The following FUT9 variants were observed in gnomAD, a reference collection of about 807,000 sequenced individuals.
FUT9 encodes the protein fucosyltransferase 9.
In FUT9, 15 loss-of-function variants were observed where a neutral mutation model predicts 29.7. The ratio of observed to expected loss-of-function variants is 0.51; its 90% confidence interval spans 0.34 to 0.78. FUT9 has a LOEUF of 0.78. Ranked by LOEUF, FUT9 falls within the 30% of genes least tolerant of loss-of-function variation. The pLI is 0.01. For missense variants in FUT9, 319 were observed against 425.4 expected, an observed-to-expected ratio of 0.75 and a Z score of 2.20; for synonymous variants, 169 against 153.7, an observed-to-expected ratio of 1.10 and a Z score of -0.74.
chr6:96,134,542 C>A (rs757191646), intron 2 of FUT9, among the ~76,000 whole-genome samples: 7 of 151,776 alleles, frequency 4.6e-5, no homozygotes, highest in Non-Finnish European at 8.9e-5. Flanking sequence ...TGATAAATTT[C>A]TCCTTCAGTT....
chr6:96,037,639 T>A lies in FUT9; in HGVS notation c.-98+21427T>A, dbSNP rs76057338. The stretch of plus-strand genomic sequence containing the variant: ...CCCTTGAGACTAATCTTTTTCTGGA[T>A]AAAACTCTGCAAATGCTTAGTCATT... On this transcript the variant is annotated intron_variant, in intron 1 of 2. Transcript: ENST00000302103. Among the ~76,000 whole-genome samples the A allele has an allele frequency of 5.6e-3, 847 of 151,902 alleles. 13 individuals are homozygous for A. The highest frequency in any genetic ancestry group is 0.02 in the African/African-American group (821 of 41,430).
rs1438725634 is a variant in FUT9, at chr6:96,204,536, G to A, written c.*301G>A. 5 of 192,486 alleles carry A rather than the reference G, an allele frequency of 2.6e-5. No homozygotes were observed. Among genetic ancestry groups the A allele is most frequent in the South Asian group, 2.0e-4 (1 of 5,122 alleles). The allele number at this position is 192,486 out of a possible 1,614,324, so 11.9% of individuals were successfully genotyped here. A position where few individuals can be genotyped will look rare whatever the true frequency, so the allele number is the denominator to read the frequency against. ...TAGTTGTCCATAATGTAAGCTTGTGGTTTGATTATTGTTTCCACACTGATC... is the reference window on the plus strand; with the variant it reads ...TAGTTGTCCATAATGTAAGCTTGTGATTTGATTATTGTTTCCACACTGATC... On this transcript the variant is annotated 3_prime_UTR_variant, in exon 3 of 3. Coordinates refer to ENST00000302103, the MANE Select transcript of FUT9 (RefSeq NM_006581.4).
At chr6:96,094,638 A>G (rs893612240) in intron 1 of FUT9, among the ~76,000 whole-genome samples, 46 of 152,150 alleles carry the variant, frequency 3.0e-4, no homozygotes, top group Non-Finnish European at 5.7e-4. Context: ...GGATAAGTAG[A>G]AACTACTGTA....
At chr6:96,148,380 G>T (rs1464884823) in intron 2 of FUT9, among the ~76,000 whole-genome samples, 2 of 152,268 alleles carry the variant, frequency 1.3e-5, no homozygotes, top group Middle Eastern at 3.4e-3. Context: ...CATCAAGCAA[G>T]TTTCTCCATT....
At chr6:96,133,747 G>C (rs1334586621) in intron 2 of FUT9, among the ~76,000 whole-genome samples, 3 of 151,838 alleles carry the variant, frequency 2.0e-5, no homozygotes, top group Non-Finnish European at 2.9e-5. Context: ...AACCTAAAGT[G>C]TTTTTGTTTT....
chr6:96,175,517 C>T (rs537734601), intron 2 of FUT9, among the ~76,000 whole-genome samples: 2 of 152,252 alleles, frequency 1.3e-5, no homozygotes, highest in Admixed American at 1.3e-4. Context: ...TATTCGGTGG[C>T]TAGCTGTGAT....
intron 1 of FUT9, among the ~76,000 whole-genome samples, chr6:96,099,657 A>G (rs1771554659): frequency 6.6e-6 from 1 of 152,124 alleles, no homozygotes; most frequent in Admixed American, 6.6e-5. Flanking sequence ...TGCTTGCCTG[A>G]TAGTAATAAA....
At chr6:96,106,596 A>G (rs752304426) in intron 1 of FUT9, among the ~76,000 whole-genome samples, 2 of 152,150 alleles carry the variant, frequency 1.3e-5, no homozygotes, top group African/African-American at 4.8e-5. Flanking sequence ...GGATTTTAAC[A>G]TGTAAGATGA....
At chr6:96,160,498 A>T (rs1185919230) in intron 2 of FUT9, among the ~76,000 whole-genome samples, 5 of 152,196 alleles carry the variant, frequency 3.3e-5, no homozygotes, top group Non-Finnish European at 5.9e-5. Context: ...AGTGTAGTTG[A>T]CATAATATGC....
rs939379003 is a variant in FUT9 at position 96,210,073 on chromosome 6, G to C, written c.*5838G>C. ...AATAATACACAGCTTCTGAATCTCT[G>C]GGTGTGAGATGGGACCAGGAATCTT... On this transcript the variant is annotated 3_prime_UTR_variant, in exon 3 of 3. Coordinates refer to ENST00000302103, the MANE Select transcript of FUT9 (RefSeq NM_006581.4). The C allele has an allele frequency of 1.8e-5, 3 of 166,932 alleles. No individual in the cohort carries two copies. The highest frequency in any genetic ancestry group is 7.2e-5 in the African/African-American group (3 of 41,504). The allele number at this position is 166,932 out of a possible 1,614,324, so 10.3% of individuals were successfully genotyped here.
intron 1 of FUT9, among the ~76,000 whole-genome samples, chr6:96,054,150 G>T (rs889327522): frequency 6.6e-6 from 1 of 152,068 alleles, no homozygotes; most frequent in African/African-American, 2.4e-5. Context: ...TTGGCCCAGG[G>T]ATTTTGTCCT....
intron 1 of FUT9, among the ~76,000 whole-genome samples, chr6:96,070,963 G>A (rs1054312767): frequency 1.3e-5 from 2 of 152,014 alleles, no homozygotes; most frequent in Admixed American, 6.6e-5. Flanking sequence ...TAGTCTTCTC[G>A]CTTAAATTTA....
chr6:96,052,708 A>G (rs1180720115), intron 1 of FUT9, among the ~76,000 whole-genome samples: 1 of 152,208 alleles, frequency 6.6e-6, no homozygotes, highest in Non-Finnish European at 1.5e-5. Context: ...GTCAAGTGCC[A>G]GAAAGATGTT....
intron 1 of FUT9, among the ~76,000 whole-genome samples, chr6:96,046,643 C>T (rs1395851844): frequency 2.6e-5 from 4 of 151,994 alleles, no homozygotes; most frequent in Non-Finnish European, 5.9e-5. Context: ...ATGCCCCTTC[C>T]CACATGTGAA....
intron 1 of FUT9, among the ~76,000 whole-genome samples, chr6:96,039,264 A>G (rs909231584): frequency 1.3e-5 from 2 of 152,072 alleles, no homozygotes; most frequent in African/African-American, 4.8e-5. Context: ...AAACCAAGCA[A>G]TGGAGTGCAA....
chr6:96,112,647 G>A lies in FUT9; in HGVS notation c.-97-1392G>A, dbSNP rs991367094. Among the ~76,000 whole-genome samples, 9 of 152,132 alleles carry A rather than the reference G, an allele frequency of 5.9e-5. No individual in the cohort carries two copies. In the East Asian group the frequency reaches 1.5e-3, roughly 26 times the overall value. Reference sequence around the variant, plus strand: ...GAGGGACATAAAATCAGAACATAACGTTGTTTGTGTGTGTGCGCAAGCGTG... The same window carrying A: ...GAGGGACATAAAATCAGAACATAACATTGTTTGTGTGTGTGCGCAAGCGTG... On this transcript the variant is annotated intron_variant, in intron 1 of 2. Transcript: ENST00000302103.
At chr6:96,122,869 A>G (rs1772055601) in intron 2 of FUT9, among the ~76,000 whole-genome samples, 2 of 151,796 alleles carry the variant, frequency 1.3e-5, no homozygotes, top group South Asian at 2.1e-4. Flanking sequence ...ACACGGTGAA[A>G]CCCCGTCTCT....
chr6:96,108,652 G>C (rs1326866855), intron 1 of FUT9, among the ~76,000 whole-genome samples: 1 of 152,054 alleles, frequency 6.6e-6, no homozygotes, highest in African/African-American at 2.4e-5. Flanking sequence ...GTTCCACAGA[G>C]GCCAATATGA....
intron 1 of FUT9, among the ~76,000 whole-genome samples, chr6:96,017,054 T>C (rs142037627): frequency 1.8e-4 from 27 of 152,316 alleles, no homozygotes; most frequent in Non-Finnish European, 3.2e-4. Flanking sequence ...TACTTCCAGG[T>C]TAAGAACGGA....
Sources: allele counts gnomAD v4.1 joint callset (sites outside exome capture counted in the v4.1 genomes callset), GRCh38; gene constraint gnomAD v4.1.1; transcripts MANE v1.5; gene names NCBI Gene and HGNC (gene_info 2026-07-23, HGNC 2026-07-21).